Variants in FRAS1 observed in about 807,000 individuals in gnomAD.
FRAS1 encodes the protein Fraser extracellular matrix complex subunit 1.
A neutral mutation model predicts 435.2 loss-of-function variants in FRAS1; 290 were observed. The observed-to-expected ratio is 0.67, with a 90% CI of 0.61 to 0.73. The LOEUF (loss-of-function observed/expected upper bound fraction) is 0.73. Ranked by LOEUF, FRAS1 falls within the 30% of genes least tolerant of loss-of-function variation. The probability of loss-of-function intolerance (pLI) is 0.00; values close to 1 mark genes in which losing one functional copy is unlikely to be tolerated. For synonymous variants in FRAS1, 1,800 were observed against 1,851.0 expected, an observed-to-expected ratio of 0.97 and a Z score of 0.71; for missense variants, 4,860 against 5,001.5, an observed-to-expected ratio of 0.97 and a Z score of 0.85.
intron 20 of FRAS1, among the ~76,000 whole-genome samples, chr4:78,361,624 A>G (rs142342105): frequency 4.3e-4 from 65 of 152,346 alleles, no homozygotes; most frequent in African/African-American, 1.5e-3. Context: ...GAACACATCC[A>G]GATGATCAAC....
At chr4:78,154,562 A>C (rs1346031152) in intron 2 of FRAS1, among the ~76,000 whole-genome samples, 1 of 152,196 alleles carries the variant, frequency 6.6e-6, no homozygotes, top group African/African-American at 2.4e-5. Flanking sequence ...TACACCTAAC[A>C]GGTTCTAAAG....
chr4:78,061,144 G>T (rs932091781), intron 1 of FRAS1, among the ~76,000 whole-genome samples: 4 of 152,090 alleles, frequency 2.6e-5, no homozygotes, highest in African/African-American at 9.7e-5. Flanking sequence ...ACTGTGCCTG[G>T]CCTCTAAATT....
Position 78,149,387 on chromosome 4 carries a change from C to T in FRAS1, c.108+83371C>T, listed in dbSNP as rs1010916830. Among the ~76,000 whole-genome samples the T allele has an allele frequency of 7.0e-4, 106 of 152,282 alleles. 1 individual carries two copies. Among genetic ancestry groups the T allele is most frequent in the African/African-American group, 2.5e-3 (102 of 41,556 alleles). ...AAAATTATTATAAGGCCAATACATA[C>T]TCATAGTAAAAAATTCCAGTGGAAC... is the stretch of plus-strand genomic sequence containing the variant. On this transcript the variant is annotated intron_variant, in intron 2 of 73. Coordinates refer to ENST00000512123, the MANE Select transcript of FRAS1 (RefSeq NM_025074.7).
chr4:78,065,083 T>TATATATATATATATATACACACAC (rs1383890164), intron 1 of FRAS1, among the ~76,000 whole-genome samples: 1 of 140,598 alleles, frequency 7.1e-6, no homozygotes, highest in African/African-American at 2.6e-5. Flanking sequence ...TATATATATA[T>TATATATATATATATATACACACAC]ACATACACAC....
At chr4:78,274,422 G>GA (rs1726888050) in intron 9 of FRAS1, among the ~76,000 whole-genome samples, 1 of 152,058 alleles carries the variant, frequency 6.6e-6, no homozygotes, top group Admixed American at 6.5e-5. Flanking sequence ...GTCAATTTTA[G>GA]ATCTTTCCTG....
intron 2 of FRAS1, among the ~76,000 whole-genome samples, chr4:78,232,913 A>G (rs1219653078): frequency 6.6e-6 from 1 of 152,230 alleles, no homozygotes; most frequent in Non-Finnish European, 1.5e-5. Flanking sequence ...CTGGGAAGAC[A>G]GATAGGTAAA....
At chr4:78,368,155 G>A (rs191999531) in intron 22 of FRAS1, among the ~76,000 whole-genome samples, 1,589 of 151,374 alleles carry the variant, frequency 0.01, 24 homozygotes, top group African/African-American at 0.036. Flanking sequence ...AAAAAAAAAG[G>A]GATAAAAATT....
In FRAS1 at chr4:78,278,700, A is replaced by G; in HGVS notation, c.1027A>G (p.Ile343Val). The change falls in exon 10 of 74, where the codon ATT becomes GTT. Residue 343 changes from isoleucine (I) to valine (V), a missense_variant. Ile to Val is a conservative substitution (Grantham distance 29). Transcript: ENST00000512123. The stretch of plus-strand genomic sequence containing the variant: ...AGATGGAAAGTGTTGTCCTGAATGC[A>G]TTTCAAGGAATGGTTATTGTGTTTA... ...HLDGKCCPEC[I>V]SRNGYCVYEE... The G allele has an allele frequency of 6.2e-7, 1 of 1,607,608 alleles. No individual in the cohort carries two copies. The highest frequency in any genetic ancestry group is 8.5e-7 in the Non-Finnish European group (1 of 1,174,668).
chr4:78,447,423 C>T lies in FRAS1; in HGVS notation c.6010+543C>T, dbSNP rs1718882743. 2.6e-5 allele frequency among the ~76,000 whole-genome samples: 4 copies of T among 151,108 alleles called. No homozygotes were observed. In the South Asian group the frequency reaches 8.4e-4, roughly 32 times the overall value. ...AAGTTCTGGAATGCAAGTGGTGTGT[C>T]TCAATTCATCGTAATGCTCATTGGT... On this transcript the variant is annotated intron_variant, in intron 43 of 73. Transcript: ENST00000512123.
intron 14 of FRAS1, among the ~76,000 whole-genome samples, chr4:78,293,983 G>A (rs756859408): frequency 1.6e-4 from 25 of 152,194 alleles, no homozygotes; most frequent in Non-Finnish European, 3.1e-4. Context: ...CATTCTTCCC[G>A]ACAAATCTGA....
chr4:78,468,177 T>G (rs1469911579), intron 50 of FRAS1, among the ~76,000 whole-genome samples: 6 of 152,208 alleles, frequency 3.9e-5, no homozygotes, highest in Non-Finnish European at 8.8e-5. Context: ...GTTTTCTTAA[T>G]GCTTTCTTGT....
At chr4:78,496,461 G>GA (rs201467362) in intron 59 of FRAS1, among the ~76,000 whole-genome samples, 1,740 of 152,270 alleles carry the variant, frequency 0.011, 30 homozygotes, top group African/African-American at 0.04. Context: ...TTTAATATGT[G>GA]AAATGTATTA....
At chr4:78,341,500 C>G (rs1347977579) in intron 20 of FRAS1, among the ~76,000 whole-genome samples, 1 of 152,082 alleles carries the variant, frequency 6.6e-6, no homozygotes. Context: ...CTAATGAGAA[C>G]GTTGCTGAGG....
At position 78,530,559 on chromosome 4, in the gene FRAS1, C is replaced by T. The variant is rs139977025; in HGVS notation, c.10926-3890C>T. 1.1e-4 allele frequency among the ~76,000 whole-genome samples: 17 copies of T among 152,170 alleles called. No individual in the cohort carries two copies. In the East Asian group the frequency reaches 2.9e-3, roughly 26 times the overall value. On this transcript the variant is annotated intron_variant, in intron 70 of 73. Transcript: ENST00000512123. ...AAAGGATTCTTTATTTAATAAATAG[C>T]ATTGGGAAAAGTGGCTAGCCAAATG...
At chr4:78,319,332 T>C (rs1178202358) in intron 18 of FRAS1, 2 of 466,404 alleles carry the variant, frequency 4.3e-6, no homozygotes, top group Middle Eastern at 3.2e-4. Flanking sequence ...TCTAATTTGC[T>C]ACTCTGAATA....
rs181987864 is a variant in FRAS1, at chr4:78,124,020, A to C, written c.108+58004A>C. On this transcript the variant is annotated intron_variant, in intron 2 of 73. Transcript: ENST00000512123. The stretch of plus-strand genomic sequence containing the variant: ...CAGAACTTCCAATACTATGTTGGAT[A>C]GGCGTGAGACAGGGTATCCTTGTCT... Among the ~76,000 whole-genome samples, 85 of 152,320 alleles carry C rather than the reference A, an allele frequency of 5.6e-4. 1 individual carries two copies. In the East Asian group the frequency reaches 0.015, roughly 26 times the overall value.
chr4:78,468,387 A>G (rs1300579979), intron 50 of FRAS1, among the ~76,000 whole-genome samples: 1 of 152,118 alleles, frequency 6.6e-6, no homozygotes, highest in Non-Finnish European at 1.5e-5. Context: ...CGTTTTCCCT[A>G]TCTGTAAAGT....
intron 49 of FRAS1, among the ~76,000 whole-genome samples, 171 bp downstream of exon 49, chr4:78,464,754 C>A (rs1207990898): frequency 6.6e-6 from 1 of 152,172 alleles, no homozygotes; most frequent in Admixed American, 6.5e-5. Flanking sequence ...AAAAGAAAAA[C>A]AAATGTATTT....
At chr4:78,534,296 A>T (rs1721816152) in intron 70 of FRAS1, among the ~76,000 whole-genome samples, 153 bp from the exon 71 acceptor site, 1 of 152,202 alleles carries the variant, frequency 6.6e-6, no homozygotes, top group Non-Finnish European at 1.5e-5. Flanking sequence ...AAGTCCTTTT[A>T]CCTTACACAT....
Sources: gnomAD v4.1 joint callset for allele counts (sites outside exome capture counted in the v4.1 genomes callset) on GRCh38, gnomAD v4.1.1 for gene constraint, MANE v1.5 for transcripts, NCBI Gene and HGNC (gene_info 2026-07-23, HGNC 2026-07-21) for gene names.